CELF2: variants seen among roughly 807,000 people sequenced by gnomAD.
CELF2 encodes CUGBP Elav-like family member 2.
In CELF2, 8 loss-of-function variants were observed where a neutral mutation model predicts 62.6. That is an observed-to-expected ratio of 0.13 (90% CI 0.07 to 0.23). The LOEUF is 0.23. CELF2 is among the 10% of genes least tolerant of loss of function. CELF2 has a pLI of 1.00. For synonymous variants in CELF2, 258 were observed against 250.0 expected, an observed-to-expected ratio of 1.03 and a Z score of -0.30; for missense variants, 333 against 671.0, an observed-to-expected ratio of 0.50 and a Z score of 5.56.
intron 1 of CELF2, among the ~76,000 whole-genome samples, chr10:11,064,688 T>C (rs1412461141): frequency 6.6e-6 from 1 of 152,094 alleles, no homozygotes; most frequent in Non-Finnish European, 1.5e-5. Flanking sequence ...CCCCCAAATA[T>C]GATTTAAAAT....
At position 10,939,508 on chromosome 10, in the gene CELF2, A is replaced by ACTC; in HGVS notation, c.89+19512_89+19514dup. The stretch of plus-strand genomic sequence containing the variant: ...ACCATGTTGGCCAGGCTGATCTCAA[A>ACTC]CTCCTGACCTCAGGTGATCCACTCA... On this transcript the variant is annotated intron_variant, in intron 2 of 13. Transcript: ENST00000636488. Among the ~76,000 whole-genome samples the ACTC allele has an allele frequency of 2.0e-5, 3 of 151,566 alleles. No individual in the cohort carries two copies. In the East Asian group the frequency reaches 5.9e-4, roughly 30 times the overall value.
intron 1 of CELF2, among the ~76,000 whole-genome samples, chr10:10,876,960 G>A (rs117646115): frequency 0.033 from 5,003 of 152,280 alleles, 104 homozygotes; most frequent in Non-Finnish European, 0.049. Context: ...TCCTGAACTC[G>A]CATTTCCTCA....
rs560638270 is a variant in CELF2 at position 11,115,707 on chromosome 10, A to C, written c.75-49779A>C. Among the ~76,000 whole-genome samples the C allele has an allele frequency of 3.9e-5, 6 of 152,352 alleles. No individual in the cohort carries two copies. In the South Asian group the frequency reaches 1.2e-3, roughly 32 times the overall value. ...GACACTTGACAGAACTACAGAGGAA[A>C]AACAATAGACCTAAGAAGCAAAATA... On this transcript the variant is annotated intron_variant, in intron 1 of 12. Transcript: ENST00000633077.
In CELF2 at chr10:11,319,017, C is replaced by T. The variant is rs1428330158; in HGVS notation, c.1097-2172C>T. 1 of 471,100 alleles carries T rather than the reference C, an allele frequency of 2.1e-6. No individual in the cohort carries two copies. The highest frequency in any genetic ancestry group is 2.3e-5 in the Admixed American group (1 of 42,590). 29.2% of individuals were successfully genotyped at this position (471,100 alleles called of 1,614,324 possible). On this transcript the variant is annotated intron_variant, in intron 10 of 12. Coordinates refer to ENST00000633077, the MANE Select transcript of CELF2 (RefSeq NM_001326342.2). This position sits in a 1 kb window ranked among gnomAD's most constrained non-coding sequence, Gnocchi z 4.4. Reference sequence around the variant, plus strand: ...AGACGAGCTGCTGTCTTCAGCCCGTCCTCGTCTGGCAGCAAGGCCCCACAT... The same window carrying T: ...AGACGAGCTGCTGTCTTCAGCCCGTTCTCGTCTGGCAGCAAGGCCCCACAT...
At chr10:10,464,292 G>T in the CELF2 span, among the ~76,000 whole-genome samples, 1 of 152,090 alleles carries the variant, frequency 6.6e-6, no homozygotes, top group Non-Finnish European at 1.5e-5. Context: ...CTGTCTATTA[G>T]CAACATTTCA....
At chr10:11,251,769 C>T (rs769990637) in intron 4 of CELF2, among the ~76,000 whole-genome samples, 8 of 152,174 alleles carry the variant, frequency 5.3e-5, no homozygotes, top group Non-Finnish European at 1.2e-4. Context: ...CATAAGTTAA[C>T]GTCTATAAAG....
At chr10:10,675,752 A>T in the CELF2 span, among the ~76,000 whole-genome samples, 1 of 152,156 alleles carries the variant, frequency 6.6e-6, no homozygotes, top group African/African-American at 2.4e-5. Context: ...CAATAAGCCC[A>T]TTAAAGGCAT....
At chr10:10,677,349 A>G in the CELF2 span, among the ~76,000 whole-genome samples, 2 of 152,214 alleles carry the variant, frequency 1.3e-5, no homozygotes, top group East Asian at 1.9e-4. Context: ...CATGAATTGA[A>G]TGGTGATAGC....
chr10:10,785,719 A>G, the CELF2 span, among the ~76,000 whole-genome samples: 61,446 of 152,004 alleles, frequency 0.4, 12,666 homozygotes, highest in East Asian at 0.59. Context: ...TTACTAGAGC[A>G]TGGGAGGGAT....
intron 4 of CELF2, among the ~76,000 whole-genome samples, chr10:11,256,663 CT>C (rs113588145): frequency 0.24 from 23,682 of 96,742 alleles, 3,152 homozygotes; most frequent in Middle Eastern, 0.34. Flanking sequence ...CTGTGATGTC[CT>C]TAAAAAAAAA....
chr10:10,988,865 G>A (rs1343883973), intron 2 of CELF2, among the ~76,000 whole-genome samples: 14 of 151,858 alleles, frequency 9.2e-5, no homozygotes, highest in Admixed American at 9.2e-4. Flanking sequence ...AATAAATCAT[G>A]GAACCCAAAT....
upstream of CELF2, among the ~76,000 whole-genome samples, chr10:11,002,498 T>A (rs755284422): frequency 7.2e-5 from 11 of 152,062 alleles, no homozygotes; most frequent in Non-Finnish European, 1.0e-4. The surrounding 1 kb of genome is among the most constrained non-coding windows in gnomAD (Gnocchi z 4.4). Context: ...CTGTGCACAG[T>A]GGGGGCATTG....
At chr10:10,776,411 C>T in the CELF2 span, 37,910 of 154,104 alleles carry the variant, frequency 0.25, 5,286 homozygotes, top group East Asian at 0.5. Flanking sequence ...CGTCACCCAG[C>T]TGTTCGCAGT....
chr10:10,724,673 A>AAAAAG, the CELF2 span, among the ~76,000 whole-genome samples: 10 of 150,316 alleles, frequency 6.7e-5, no homozygotes, highest in African/African-American at 2.5e-4. Flanking sequence ...AAAAAAAAGA[A>AAAAAG]AAAAGAAAAG....
intron 1 of CELF2, among the ~76,000 whole-genome samples, chr10:10,892,699 A>G (rs2062234027): frequency 6.6e-6 from 1 of 152,238 alleles, no homozygotes; most frequent in Admixed American, 6.5e-5. Flanking sequence ...ACAATGTGTC[A>G]TTCCCCAGAT....
At chr10:11,202,949 CTCTGTGTGTG>C (rs1279831389) in intron 2 of CELF2, among the ~76,000 whole-genome samples, 1 of 44,286 alleles carries the variant, frequency 2.3e-5, no homozygotes, top group African/African-American at 9.1e-5. Context: ...CTCTCTCTCT[CTCTGTGTGTG>C]TGTGTGTGTG....
At chr10:11,240,237 C>G (rs956434192) in intron 3 of CELF2, among the ~76,000 whole-genome samples, 7 of 152,218 alleles carry the variant, frequency 4.6e-5, no homozygotes, top group Admixed American at 3.9e-4. Flanking sequence ...ATAGACCTTG[C>G]ATAATCCAGG....
chr10:11,142,943 C>G (rs1183453438), intron 1 of CELF2, among the ~76,000 whole-genome samples: 1 of 150,682 alleles, frequency 6.6e-6, no homozygotes, highest in South Asian at 2.1e-4. Flanking sequence ...CCTCGTGATT[C>G]TTCTGTCCTC....
the CELF2 span, among the ~76,000 whole-genome samples, chr10:10,508,660 A>ATGTATGTGTGTGTG: frequency 1.2e-4 from 17 of 140,796 alleles, no homozygotes; most frequent in South Asian, 1.1e-3. Context: ...TCTTAAACAG[A>ATGTATGTGTGTGTG]TGTGTGTGTG....
Sources: allele counts gnomAD v4.1 joint callset (sites outside exome capture counted in the v4.1 genomes callset), GRCh38; gene constraint gnomAD v4.1.1; non-coding constraint Gnocchi (gnomAD v3.1); transcripts MANE v1.5; gene names NCBI Gene and HGNC (gene_info 2026-07-23, HGNC 2026-07-21).